STAG1: variants seen among roughly 807,000 people sequenced by gnomAD.
STAG1 encodes the protein cohesin subunit SA-1.
In STAG1, 26 loss-of-function variants were observed where a neutral mutation model predicts 170.9. The observed-to-expected ratio is 0.15, with a 90% confidence interval of 0.11 to 0.21. STAG1 has a LOEUF of 0.21. Ranked by LOEUF, STAG1 falls within the 10% of genes least tolerant of loss-of-function variation. The probability of loss-of-function intolerance (pLI) is 1.00; values close to 1 mark genes in which losing one functional copy is unlikely to be tolerated. For synonymous variants in STAG1, 514 were observed against 497.7 expected, an observed-to-expected ratio of 1.03 and a Z score of -0.44; for missense variants, 964 against 1,509.5, an observed-to-expected ratio of 0.64 and a Z score of 5.99.
chr3:136,440,574 GA>G (rs1242131485), intron 15 of STAG1, among the ~76,000 whole-genome samples: 1 of 151,998 alleles, frequency 6.6e-6, no homozygotes, highest in African/African-American at 2.4e-5. Flanking sequence ...ACAAGGTAAG[GA>G]AAATGAATGG....
At chr3:136,562,088 C>T (rs958242662) in intron 5 of STAG1, among the ~76,000 whole-genome samples, 1 of 152,132 alleles carries the variant, frequency 6.6e-6, no homozygotes, top group Non-Finnish European at 1.5e-5. Flanking sequence ...GTACAATGTT[C>T]CAAAGCATAA....
chr3:136,448,112 T>C (rs1043680185), intron 14 of STAG1, among the ~76,000 whole-genome samples: 5 of 152,182 alleles, frequency 3.3e-5, no homozygotes, highest in African/African-American at 1.2e-4. Context: ...AAAACAAAGT[T>C]ACTGACTTGT....
intron 25 of STAG1, among the ~76,000 whole-genome samples, chr3:136,365,220 C>A (rs1937030472): frequency 6.6e-6 from 1 of 152,126 alleles, no homozygotes; most frequent in Non-Finnish European, 1.5e-5. Context: ...TATTTCATGC[C>A]CTTTATTTCC....
At chr3:136,408,485 G>T (rs969354708) in intron 21 of STAG1, among the ~76,000 whole-genome samples, 5 of 149,402 alleles carry the variant, frequency 3.3e-5, no homozygotes, top group Admixed American at 2.7e-4. Flanking sequence ...AAGTTACTGT[G>T]TTTTTTTTTT....
chr3:136,678,434 A>C (rs533557137), intron 1 of STAG1, among the ~76,000 whole-genome samples: 1 of 151,904 alleles, frequency 6.6e-6, no homozygotes, highest in South Asian at 2.1e-4. Context: ...TAGATGGCTT[A>C]ATTTTTTTAA....
At chr3:136,676,963 T>A (rs957248529) in intron 1 of STAG1, among the ~76,000 whole-genome samples, 1 of 152,150 alleles carries the variant, frequency 6.6e-6, no homozygotes, top group Non-Finnish European at 1.5e-5. Context: ...GCCTTTCACC[T>A]CCACATGCTG....
At chr3:136,576,623 A>G (rs1406030802) in intron 4 of STAG1, among the ~76,000 whole-genome samples, 3 of 152,226 alleles carry the variant, frequency 2.0e-5, no homozygotes, top group Non-Finnish European at 4.4e-5. Context: ...AATAAAAAAC[A>G]TCAAGGCTAC....
Position 136,542,111 on chromosome 3 carries a change from T to C in STAG1, c.471+8A>G. Reference sequence around the variant, plus strand: ...TAAGCAATTTGTATGAATATTGGAATGCTATACCTCATCAAATTCTTCAGT... The same window carrying C: ...TAAGCAATTTGTATGAATATTGGAACGCTATACCTCATCAAATTCTTCAGT... On this transcript the variant is annotated splice_region_variant and intron_variant, in intron 6 of 33. Coordinates refer to ENST00000383202, the MANE Select transcript of STAG1 (RefSeq NM_005862.3). 6.3e-7 allele frequency: 1 copy of C among 1,597,450 alleles called. No homozygotes were observed. The highest frequency in any genetic ancestry group is 8.6e-7 in the Non-Finnish European group (1 of 1,169,472).
At chr3:136,614,895 T>A (rs932554214) in intron 3 of STAG1, among the ~76,000 whole-genome samples, 1 of 152,148 alleles carries the variant, frequency 6.6e-6, no homozygotes, top group Admixed American at 6.5e-5. Context: ...TATTAACTTT[T>A]TTGGGGACTG....
chr3:136,630,935 C>A lies in STAG1; in HGVS notation c.-37G>T. 1 of 1,552,380 alleles carries A rather than the reference C, an allele frequency of 6.4e-7. No homozygotes were observed. The highest frequency in any genetic ancestry group is 1.2e-5 in the South Asian group (1 of 82,704). On this transcript the variant is annotated 5_prime_UTR_variant, in exon 2 of 34. Coordinates refer to ENST00000383202, the MANE Select transcript of STAG1 (RefSeq NM_005862.3). ...TCCTTTCACAATGCAGCAAAATAAT[C>A]AAGTGCTGTACAACTCAAAACTTTT...
intron 22 of STAG1, among the ~76,000 whole-genome samples, chr3:136,385,322 C>T (rs1387899755): frequency 6.6e-6 from 1 of 151,980 alleles, no homozygotes; most frequent in East Asian, 1.9e-4. Context: ...CACCTATAGT[C>T]CCAGCTACTC....
At chr3:136,693,368 A>G (rs1239230125) in intron 1 of STAG1, among the ~76,000 whole-genome samples, 1 of 152,184 alleles carries the variant, frequency 6.6e-6, no homozygotes, top group Non-Finnish European at 1.5e-5. Flanking sequence ...CAATTTGAAG[A>G]AAGTTTTCTG....
intron 22 of STAG1, among the ~76,000 whole-genome samples, chr3:136,396,815 C>T (rs910448740): frequency 3.3e-5 from 5 of 152,060 alleles, no homozygotes; most frequent in Non-Finnish European, 4.4e-5. Flanking sequence ...CGCGAGCCAC[C>T]GCACCAGGCT....
chr3:136,646,701 T>G (rs982094745), intron 1 of STAG1, among the ~76,000 whole-genome samples: 2 of 150,672 alleles, frequency 1.3e-5, no homozygotes, highest in African/African-American at 4.9e-5. Context: ...AGGTCAGGAG[T>G]TCAAGATCAG....
intron 15 of STAG1, among the ~76,000 whole-genome samples, chr3:136,433,908 C>T (rs1386841244): frequency 1.3e-5 from 2 of 151,876 alleles, no homozygotes; most frequent in Non-Finnish European, 2.9e-5. Flanking sequence ...TGCTACCTTT[C>T]TAAGTTAGGC....
chr3:136,664,771 G>A (rs1405754132), intron 1 of STAG1, among the ~76,000 whole-genome samples: 1 of 152,154 alleles, frequency 6.6e-6, no homozygotes, highest in African/African-American at 2.4e-5. Flanking sequence ...AGAAAGACCT[G>A]TGGATGAAAT....
chr3:136,392,916 AT>A (rs2087051296), intron 22 of STAG1, among the ~76,000 whole-genome samples: 2 of 152,054 alleles, frequency 1.3e-5, no homozygotes, highest in South Asian at 4.1e-4. Flanking sequence ...GAGAGCTCAA[AT>A]TTATGAGAAC....
chr3:136,425,041 T>C (rs1448896836), intron 16 of STAG1, among the ~76,000 whole-genome samples: 3 of 152,138 alleles, frequency 2.0e-5, no homozygotes, highest in Non-Finnish European at 2.9e-5. Context: ...GGTTTCATCA[T>C]GTTGGCCAGG....
At chr3:136,455,562 G>C (rs2089085865) in intron 13 of STAG1, among the ~76,000 whole-genome samples, 1 of 152,234 alleles carries the variant, frequency 6.6e-6, no homozygotes, top group Non-Finnish European at 1.5e-5. Context: ...GTGAACTGGG[G>C]AGAAAGAATA....
Sources: allele counts gnomAD v4.1 joint callset (sites outside exome capture counted in the v4.1 genomes callset), GRCh38; gene constraint gnomAD v4.1.1; transcripts MANE v1.5; gene names NCBI Gene and HGNC (gene_info 2026-07-23, HGNC 2026-07-21).